Variants in PLEKHM2 observed in about 807,000 individuals in gnomAD.
The protein encoded by PLEKHM2 is pleckstrin homology domain-containing family M member 2.
In PLEKHM2, 77 loss-of-function variants were observed where a neutral mutation model predicts 116.3. That is an observed-to-expected ratio of 0.66 (90% CI 0.55 to 0.80). The LOEUF is 0.80. Ranked by LOEUF, PLEKHM2 falls within the 30% of genes least tolerant of loss-of-function variation. The pLI is 0.00. For missense variants in PLEKHM2, 1,183 were observed against 1,354.9 expected (o/e 0.87, Z 1.99); for synonymous variants, 562 against 571.0 (o/e 0.98, Z 0.22).
At chr1:15,725,134 C>T (rs999290212) in intron 7 of PLEKHM2, among the ~76,000 whole-genome samples, 183 bp from the exon 8 acceptor site, 1 of 152,206 alleles carries the variant, frequency 6.6e-6, no homozygotes, top group East Asian at 1.9e-4. Context: ...CCAAGTTGCT[C>T]CTAAAGTACA....
chr1:15,729,243 T>C lies in PLEKHM2; in HGVS notation c.2075+53T>C. The stretch of plus-strand genomic sequence containing the variant: ...GGATTGGAGAGTTCGCAGCCGCCCA[T>C]AGGTGTGGGTGGCCTGGGGGTCAGG... On this transcript the variant is annotated intron_variant, in intron 13 of 19. Transcript: ENST00000375799. The surrounding 1 kb of genome is among the most constrained non-coding windows in gnomAD (Gnocchi z 4.7). 3.1e-5 allele frequency: 46 copies of C among 1,461,160 alleles called. No individual in the cohort carries two copies. Among genetic ancestry groups the C allele is most frequent in the Non-Finnish European group, 4.3e-5 (46 of 1,058,150 alleles). 90.5% of individuals were successfully genotyped at this position (1,461,160 alleles called of 1,614,324 possible).
At position 15,729,389 on chromosome 1, in the gene PLEKHM2, G is replaced by C. The variant is rs1319345999; in HGVS notation, c.2075+199G>C. ...TCATAGGACTCATGTGGTCAGCCCA[G>C]GTGACCTCAGCCCCTGGCGACTCTT... On this transcript the variant is annotated intron_variant, in intron 13 of 19. Coordinates refer to ENST00000375799, the MANE Select transcript of PLEKHM2 (RefSeq NM_015164.4). The surrounding 1 kb of genome is among the most constrained non-coding windows in gnomAD (Gnocchi z 4.7). 6.6e-6 allele frequency among the ~76,000 whole-genome samples: 1 copy of C among 152,080 alleles called. No individual in the cohort carries two copies. The highest frequency in any genetic ancestry group is 2.4e-5 in the African/African-American group (1 of 41,406).
At chr1:15,725,258 G>C (rs1477338746) in intron 7 of PLEKHM2, 59 bp from the exon 8 acceptor site, 1 of 1,267,128 alleles carries the variant, frequency 7.9e-7, no homozygotes, top group Non-Finnish European at 1.1e-6. Context: ...GCATGCTCTG[G>C]GGGTCGGGGA....
chr1:15,731,822 C>T (rs1437843480), intron 16 of PLEKHM2, 67 bp from the exon 17 acceptor site: 1 of 1,435,362 alleles, frequency 7.0e-7, no homozygotes, highest in East Asian at 2.4e-5. Context: ...CGCACCAACC[C>T]TGGGGGCTGT....
intron 17 of PLEKHM2, 33 bp downstream of exon 17, chr1:15,732,081 C>T (rs1341461940): frequency 6.3e-7 from 1 of 1,593,228 alleles, no homozygotes; most frequent in South Asian, 1.1e-5. Flanking sequence ...GCTCACCTGG[C>T]TTGCCTGACC....
At position 15,727,649 on chromosome 1, in the gene PLEKHM2, A is replaced by T; in HGVS notation, c.1577A>T (p.Glu526Val). 1 of 1,594,054 alleles carries T rather than the reference A, an allele frequency of 6.3e-7. No homozygotes were observed. The highest frequency in any genetic ancestry group is 8.5e-7 in the Non-Finnish European group (1 of 1,171,096). Residue 526 changes from glutamate (E) to valine (V), a missense_variant, in exon 9 of 20, where the codon GAG (glutamate) becomes GTG (valine). Transcript: ENST00000375799. This position sits in a 1 kb window ranked among gnomAD's most constrained non-coding sequence, Gnocchi z 7.5. ...GAGGATACCACGAGGGAGGCTCAGG[A>T]GCTGGAGGCCCAGCTGTCCCTGGTC... ...PLEDTTREAQ[E>V]LEAQLSLVRE...
intron 17 of PLEKHM2, 31 bp from the exon 18 acceptor site, chr1:15,732,319 C>T: frequency 2.0e-6 from 3 of 1,531,774 alleles, no homozygotes; most frequent in Non-Finnish European, 2.6e-6. Context: ...CCTGGAGGCC[C>T]CAGCCTGCCT....
chr1:15,683,422 A>AG (rs1391833622), upstream of PLEKHM2, among the ~76,000 whole-genome samples: 3 of 149,738 alleles, frequency 2.0e-5, no homozygotes, highest in Non-Finnish European at 4.5e-5. Flanking sequence ...GTCTCCAAGG[A>AG]GGGGTCTGTG....
intron 1 of PLEKHM2, among the ~76,000 whole-genome samples, chr1:15,698,537 C>CTT (rs1411671326): frequency 1.4e-5 from 2 of 142,334 alleles, no homozygotes; most frequent in African/African-American, 5.5e-5. Flanking sequence ...CTTTTTCTTT[C>CTT]TTTCTTTCTT....
At chr1:15,695,372 A>G (rs1352075238) in intron 1 of PLEKHM2, among the ~76,000 whole-genome samples, 1 of 152,200 alleles carries the variant, frequency 6.6e-6, no homozygotes, top group Admixed American at 6.5e-5. Context: ...AGTCCTGAAC[A>G]TGTTGAGAGG....
chr1:15,686,133 A>G (rs1040633636), intron 1 of PLEKHM2, among the ~76,000 whole-genome samples: 2 of 152,216 alleles, frequency 1.3e-5, no homozygotes, highest in Non-Finnish European at 2.9e-5. Flanking sequence ...GAAGGCAGAG[A>G]TTCACTTTGT....
chr1:15,690,522 AT>A (rs1640868835), intron 1 of PLEKHM2, among the ~76,000 whole-genome samples: 1 of 152,202 alleles, frequency 6.6e-6, no homozygotes, highest in Non-Finnish European at 1.5e-5. Context: ...ATAAAACTTT[AT>A]TTACAAAAAT....
At chr1:15,705,170 C>CTTTTTT (rs71306988) in intron 1 of PLEKHM2, among the ~76,000 whole-genome samples, 1 of 74,044 alleles carries the variant, frequency 1.4e-5, no homozygotes, top group Non-Finnish European at 2.5e-5. Context: ...ACGTAGATAT[C>CTTTTTT]TTTTTTTTTT....
At chr1:15,698,978 T>A (rs1266663289) in intron 1 of PLEKHM2, among the ~76,000 whole-genome samples, 1 of 152,170 alleles carries the variant, frequency 6.6e-6, no homozygotes, top group Non-Finnish European at 1.5e-5. Context: ...CCATTGAGAA[T>A]GAAATATTTT....
At chr1:15,713,239 C>T (rs1641371558) in intron 1 of PLEKHM2, among the ~76,000 whole-genome samples, 1 of 152,236 alleles carries the variant, frequency 6.6e-6, no homozygotes, top group Non-Finnish European at 1.5e-5. Flanking sequence ...CAGGCATGAG[C>T]CACCACTCGT....
At chr1:15,717,807 T>C (rs1571052286) in intron 3 of PLEKHM2, 86 bp from the exon 4 acceptor site, 1 of 857,958 alleles carries the variant, frequency 1.2e-6, no homozygotes, top group Non-Finnish European at 1.9e-6. Context: ...TTACCTGCTC[T>C]TTCTTTCCTT....
Position 15,719,782 on chromosome 1 carries a change from C to T in PLEKHM2, c.514C>T (p.Pro172Ser). The T allele has an allele frequency of 6.2e-7, 1 of 1,613,794 alleles. No individual in the cohort carries two copies. The highest frequency in any genetic ancestry group is 2.2e-5 in the East Asian group (1 of 44,878). Residue 172 changes from proline to serine, a missense_variant, in exon 6 of 20, where the codon CCT becomes TCT. By Grantham distance (74) the Pro-to-Ser change is moderately conservative. Coordinates refer to ENST00000375799, the MANE Select transcript of PLEKHM2 (RefSeq NM_015164.4). This position sits in a 1 kb window ranked among gnomAD's most constrained non-coding sequence, Gnocchi z 4.1. ...CCCCTACATGCCCGACTACTACAAA[C>T]CTCAGTACCTGCTGGACTTTGAAGA... is the stretch of plus-strand genomic sequence containing the variant. Reference protein sequence around the residue: ...LAPYMPDYYKPQYLLDFEDRL... With the variant: ...LAPYMPDYYKSQYLLDFEDRL...
rs369758650 is a variant in PLEKHM2 at position 15,721,459 on chromosome 1, T to C, written c.712+71T>C. The C allele has an allele frequency of 1.2e-6, 1 of 841,924 alleles. No individual in the cohort carries two copies. Among genetic ancestry groups the C allele is most frequent in the Admixed American group, 2.3e-5 (1 of 43,622 alleles). The allele number at this position is 841,924 out of a possible 1,614,324, so 52.2% of individuals were successfully genotyped here. A position where few individuals can be genotyped will look rare whatever the true frequency, so the allele number is the denominator to read the frequency against. ...TTCCATGCCAAGCTTGCTGCATGTA[T>C]CAAATCAGCTCCTTATTATTTATAA... On this transcript the variant is annotated intron_variant, in intron 7 of 19. Coordinates refer to ENST00000375799, the MANE Select transcript of PLEKHM2 (RefSeq NM_015164.4). The surrounding 1 kb of genome is among the most constrained non-coding windows in gnomAD (Gnocchi z 5.1).
intron 1 of PLEKHM2, among the ~76,000 whole-genome samples, chr1:15,696,593 C>T (rs1444990443): frequency 6.6e-6 from 1 of 151,972 alleles, no homozygotes; most frequent in Non-Finnish European, 1.5e-5. Context: ...TCAGGTGATC[C>T]GCCCGCCTCG....
Sources: allele counts gnomAD v4.1 joint callset (sites outside exome capture counted in the v4.1 genomes callset), GRCh38; gene constraint gnomAD v4.1.1; non-coding constraint Gnocchi (gnomAD v3.1); transcripts MANE v1.5; gene names NCBI Gene and HGNC (gene_info 2026-07-23, HGNC 2026-07-21).